The following DISP3 variants were observed in gnomAD, a reference collection of about 807,000 sequenced individuals.
The protein encoded by DISP3 is dispatched RND transporter family member 3.
A neutral mutation model predicts 135.3 loss-of-function variants in DISP3; 101 were observed. The observed-to-expected ratio is 0.75, with a 90% CI of 0.64 to 0.88. The LOEUF (loss-of-function observed/expected upper bound fraction) is 0.88. Among genes scored for constraint, DISP3 ranks in the 40% least tolerant of loss-of-function variants. The probability of loss-of-function intolerance (pLI) is 0.00; values close to 1 mark genes in which losing one functional copy is unlikely to be tolerated. For synonymous variants in DISP3, 856 were observed against 817.0 expected, an observed-to-expected ratio of 1.05 and a Z score of -0.81; for missense variants, 1,713 against 1,878.6, an observed-to-expected ratio of 0.91 and a Z score of 1.63.
chr1:11,479,281 A>G lies in DISP3; in HGVS notation c.-95A>G, dbSNP rs1179854374. ...CCCCTGCGACTTCCGCGAGGAGACG[A>G]GTCTGCGCAGCGTGGTGGCCGCCGC... On this transcript the variant is annotated 5_prime_UTR_variant, in exon 1 of 21. Transcript: ENST00000294484. 6.3e-6 allele frequency: 1 copy of G among 158,120 alleles called. No homozygotes were observed. The highest frequency in any genetic ancestry group is 2.4e-5 in the African/African-American group (1 of 41,346). The allele number at this position is 158,120 out of a possible 1,614,324, so 9.8% of individuals were successfully genotyped here.
chr1:11,526,627 T>G, intron 12 of DISP3, 24 bp from the exon 13 acceptor site: 1 of 1,601,046 alleles, frequency 6.2e-7, no homozygotes, highest in Non-Finnish European at 8.6e-7. Context: ...TCATGTGTCT[T>G]GTCTCTGTCA....
In DISP3 at chr1:11,520,927, T is replaced by C; in HGVS notation, c.2362+79T>C. On this transcript the variant is annotated intron_variant, in intron 10 of 20. Transcript: ENST00000294484. The surrounding 1 kb of genome is among the most constrained non-coding windows in gnomAD (Gnocchi z 4.8). ...GACTGTTGGTCTGAGAGATGCAGGA[T>C]CCAGGGTCCCCATCAATGCCAGACC... 6.9e-7 allele frequency: 1 copy of C among 1,452,732 alleles called. No individual in the cohort carries two copies. The highest frequency in any genetic ancestry group is 2.5e-5 in the East Asian group (1 of 39,996). The allele number at this position is 1,452,732 out of a possible 1,614,324, so 90.0% of individuals were successfully genotyped here.
rs1642001545 is a variant in DISP3 at position 11,516,014 on chromosome 1, C to G, written c.1602C>G (p.Val534=). 6.2e-7 allele frequency: 1 copy of G among 1,614,018 alleles called. No individual in the cohort carries two copies. The highest frequency in any genetic ancestry group is 1.7e-4 in the Middle Eastern group (1 of 6,060). ...TCCCTCCCACAGGTGTGGACGATGTCTTTGTGTTCATCAACACCTACCGCC... is the reference window on the plus strand; with the variant it reads ...TCCCTCCCACAGGTGTGGACGATGTGTTTGTGTTCATCAACACCTACCGCC... The part of the protein sequence containing the change: ...FVIVGIGVDD[V]FVFINTYRQA... The change falls in exon 6 of 21, where the codon GTC becomes GTG. Residue 534 remains valine, a synonymous_variant. Transcript: ENST00000294484. This position sits in a 1 kb window ranked among gnomAD's most constrained non-coding sequence, Gnocchi z 5.1.
Position 11,511,231 on chromosome 1 carries a change from A to T in DISP3, c.1317-3159A>T, listed in dbSNP as rs144019390. Among the ~76,000 whole-genome samples, 525 of 152,248 alleles carry T rather than the reference A, an allele frequency of 3.4e-3. 9 individuals carry two copies. Among genetic ancestry groups the T allele is most frequent in the African/African-American group, 0.012 (507 of 41,548 alleles). ...AATCATGCCTTCCCAACATCCTCCA[A>T]AGTCTTAACTCATTTCAGCATTAAC... On this transcript the variant is annotated intron_variant, in intron 3 of 20. Transcript: ENST00000294484.
At chr1:11,490,379 T>C (rs2100368829) in intron 1 of DISP3, among the ~76,000 whole-genome samples, 1 of 152,318 alleles carries the variant, frequency 6.6e-6, no homozygotes, top group South Asian at 2.1e-4. Context: ...GCAATTCTTC[T>C]GCCTCAGCCT....
chr1:11,534,166 A>C (rs375160517), intron 17 of DISP3, among the ~76,000 whole-genome samples: 17 of 152,368 alleles, frequency 1.1e-4, no homozygotes, highest in African/African-American at 4.1e-4. Context: ...TCTGGTGGGC[A>C]GGGACTGTGG....
chr1:11,517,448 C>T lies in DISP3; in HGVS notation c.1750-15C>T. 4 of 1,613,628 alleles carry T rather than the reference C, an allele frequency of 2.5e-6. No individual in the cohort carries two copies. The highest frequency in any genetic ancestry group is 3.4e-6 in the Non-Finnish European group (4 of 1,179,522). On this transcript the variant is annotated splice_polypyrimidine_tract_variant and intron_variant, in intron 6 of 20. Transcript: ENST00000294484. ...CCAACCTGTCCCACATCCCTCTCTT[C>T]CTTTCCATCACCAGATCCCAGCCGT...
At chr1:11,521,248 G>C (rs866525309) in intron 10 of DISP3, among the ~76,000 whole-genome samples, 26 of 150,530 alleles carry the variant, frequency 1.7e-4, no homozygotes, top group African/African-American at 6.1e-4. Flanking sequence ...GCCAGGCTGG[G>C]AGGGGAGAGG....
intron 1 of DISP3, among the ~76,000 whole-genome samples, chr1:11,484,576 G>A (rs1482235592): frequency 2.0e-5 from 3 of 152,228 alleles, no homozygotes; most frequent in Admixed American, 6.5e-5. Context: ...TCAGGGGAGA[G>A]AAGATGCTGG....
chr1:11,486,665 A>G (rs1424375142), intron 1 of DISP3, among the ~76,000 whole-genome samples: 1 of 152,126 alleles, frequency 6.6e-6, no homozygotes, highest in East Asian at 1.9e-4. Context: ...AGTTGAAGAC[A>G]TCACTAAGTT....
rs1557615460 is a variant in DISP3 at position 11,522,794 on chromosome 1, GCCCAGCCAGGACCCAGCCAGGA to G, written c.2363-1138_2363-1117del. Among the ~76,000 whole-genome samples the G allele has an allele frequency of 3.7e-4, 16 of 43,402 alleles. No homozygotes were observed. The East Asian group carries it at 4.9e-3, about 13-fold the overall frequency. 28.5% of individuals were successfully genotyped at this position (43,402 alleles called of 152,430 possible). ...AGGACCCAGCCAGGGCCCAGCCAGA[GCCCAGCCAGGACCCAGCCAGGA>G]CCCAGCCAGAGCCCAGCCAGGACCC... On this transcript the variant is annotated intron_variant, in intron 10 of 20. Transcript: ENST00000294484.
chr1:11,505,480 T>C (rs1379115226), intron 3 of DISP3, among the ~76,000 whole-genome samples: 1 of 152,212 alleles, frequency 6.6e-6, no homozygotes, highest in Non-Finnish European at 1.5e-5. Context: ...GACAAATCCC[T>C]TGCCCTTAGG....
intron 3 of DISP3, among the ~76,000 whole-genome samples, chr1:11,513,670 G>A (rs1443120302): frequency 6.6e-6 from 1 of 152,188 alleles, no homozygotes; most frequent in African/African-American, 2.4e-5. Context: ...TTTTCATCAA[G>A]TTTGGAAATT....
At position 11,525,137 on chromosome 1, in the gene DISP3, G is replaced by A. The variant is rs1000825985; in HGVS notation, c.2477-39G>A. ...CCAGGGTCAGGAGAAGCCAGTCGAGGTCAAGTCCACCCCTCTTTCATCCCT... is the reference window on the plus strand; with the variant it reads ...CCAGGGTCAGGAGAAGCCAGTCGAGATCAAGTCCACCCCTCTTTCATCCCT... On this transcript the variant is annotated intron_variant, in intron 11 of 20. Coordinates refer to ENST00000294484, the MANE Select transcript of DISP3 (RefSeq NM_020780.2). The A allele has an allele frequency of 5.6e-6, 9 of 1,607,656 alleles. No individual in the cohort carries two copies. The Admixed American group carries it at 1.5e-4, about 27-fold the overall frequency.
chr1:11,522,857 AGGACCCAGCC>A (rs1642273932), intron 10 of DISP3, among the ~76,000 whole-genome samples: 1 of 53,710 alleles, frequency 1.9e-5, no homozygotes, highest in African/African-American at 9.3e-5. Flanking sequence ...GAGCCCAGCC[AGGACCCAGCC>A]AGAGCCCAGC....
chr1:11,531,835 C>T lies in DISP3; in HGVS notation c.3375+125C>T. 7.5e-7 allele frequency: 1 copy of T among 1,333,426 alleles called. No individual in the cohort carries two copies. Among genetic ancestry groups the T allele is most frequent in the Non-Finnish European group, 1.0e-6 (1 of 1,003,636 alleles). The allele number at this position is 1,333,426 out of a possible 1,614,324, so 82.6% of individuals were successfully genotyped here. A position where few individuals can be genotyped will look rare whatever the true frequency, so the allele number is the denominator to read the frequency against. On this transcript the variant is annotated intron_variant, in intron 17 of 20. Transcript: ENST00000294484. This position sits in a 1 kb window ranked among gnomAD's most constrained non-coding sequence, Gnocchi z 5.2. ...AGGCCCAGAGAGGTGGAGTGACTTG[C>T]CTGAGGTCACATAGTTAGTGGGTGT...
In DISP3 at chr1:11,501,570, A is replaced by C. The variant is rs758324328; in HGVS notation, c.578A>C (p.Gln193Pro). 18 of 1,589,280 alleles carry C rather than the reference A, an allele frequency of 1.1e-5. No individual in the cohort carries two copies. Among genetic ancestry groups the C allele is most frequent in the Non-Finnish European group, 1.7e-6 (2 of 1,166,014 alleles). Residue 193 changes from glutamine (Q) to proline (P), a missense_variant, in exon 2 of 21, where the codon CAA becomes CCA. By Grantham distance (76) the Gln-to-Pro change is moderately conservative. Around this residue, in one of 2 missense-constraint regions of DISP3, gnomAD observed 571 missense variants for 494.1 expected, o/e 1.16. Coordinates refer to ENST00000294484, the MANE Select transcript of DISP3 (RefSeq NM_020780.2). This position sits in a 1 kb window ranked among gnomAD's most constrained non-coding sequence, Gnocchi z 4.9. Reference sequence around the variant, plus strand: ...CCTTACCGGGACACTTCCGCGGCTCAAAAGCCCACAGCCAATCGGAGCGGG... The same window carrying C: ...CCTTACCGGGACACTTCCGCGGCTCCAAAGCCCACAGCCAATCGGAGCGGG... ...PGPYRDTSAA[Q>P]KPTANRSGRL...
chr1:11,530,778 C>T, intron 15 of DISP3, 129 bp from the exon 16 acceptor site: 4 of 1,281,476 alleles, frequency 3.1e-6, no homozygotes, highest in Non-Finnish European at 4.4e-6. Context: ...CAGTTGCAGG[C>T]TGCCAACATG....
Position 11,495,370 on chromosome 1 carries a change from G to A in DISP3, c.-3-5620G>A, listed in dbSNP as rs541557701. Among the ~76,000 whole-genome samples the A allele has an allele frequency of 3.3e-5, 5 of 152,252 alleles. No homozygotes were observed. The East Asian group carries it at 9.7e-4, about 29-fold the overall frequency. On this transcript the variant is annotated intron_variant, in intron 1 of 20. Transcript: ENST00000294484. Reference sequence around the variant, plus strand: ...CGCACCATTGCACTCCAGCCTGGGTGACAGAGCGAGACTCTGTCTCAAAAA... The same window carrying A: ...CGCACCATTGCACTCCAGCCTGGGTAACAGAGCGAGACTCTGTCTCAAAAA...
Sources: allele counts gnomAD v4.1 joint callset (sites outside exome capture counted in the v4.1 genomes callset), GRCh38; gene constraint gnomAD v4.1.1; regional missense constraint gnomAD v4.1.1; non-coding constraint Gnocchi (gnomAD v3.1); transcripts MANE v1.5; gene names NCBI Gene and HGNC (gene_info 2026-07-23, HGNC 2026-07-21).